The following MYH15 variants were observed in gnomAD, a reference collection of about 807,000 sequenced individuals.
MYH15 encodes myosin heavy chain 15, also known as myosin-15.
In MYH15, 227 loss-of-function variants were observed where a neutral mutation model predicts 240.5. That is an observed-to-expected ratio of 0.94 (90% CI 0.85 to 1.05). MYH15 has a LOEUF of 1.05. Among genes scored for constraint, MYH15 ranks in the 50% least tolerant of loss-of-function variants. MYH15 has a pLI of 0.00. For synonymous variants in MYH15, 785 were observed against 796.7 expected (o/e 0.99, Z 0.25); for missense variants, 2,217 against 2,247.5 (o/e 0.99, Z 0.27).
At chr3:108,521,221 A>G (rs960761335) in intron 1 of MYH15, among the ~76,000 whole-genome samples, 29 of 151,928 alleles carry the variant, frequency 1.9e-4, no homozygotes, top group Non-Finnish European at 7.4e-5. Context: ...TCTTTTACTG[A>G]GTGTCTAGGT....
At chr3:108,403,996 T>C (rs1420287895) in intron 33 of MYH15, among the ~76,000 whole-genome samples, 1 of 152,110 alleles carries the variant, frequency 6.6e-6, no homozygotes, top group East Asian at 1.9e-4. Context: ...GCTTTTTTTT[T>C]TTTTATCTGC....
Position 108,389,035 on chromosome 3 carries a change from G to T in MYH15, c.5470C>A (p.Arg1824Ser). The T allele has an allele frequency of 6.2e-7, 1 of 1,613,880 alleles. No individual in the cohort carries two copies. The highest frequency in any genetic ancestry group is 1.3e-5 in the African/African-American group (1 of 74,998). Residue 1824 changes from arginine (R) to serine (S), a missense_variant, in exon 38 of 41, where the codon CGC becomes AGC. Transcript: ENST00000693548. Reference sequence around the variant, plus strand: ...GCTCCCCTCTGGGCCTCTGCACTGCGACGGATTTCACCCTCCAGTTCACCT... The same window carrying T: ...GCTCCCCTCTGGGCCTCTGCACTGCTACGGATTTCACCCTCCAGTTCACCT... The part of the protein sequence containing the change: ...LEGELEGEIR[R>S]SAEAQRGARR...
intron 1 of MYH15, among the ~76,000 whole-genome samples, chr3:108,517,529 C>T (rs1263046036): frequency 6.6e-6 from 1 of 152,050 alleles, no homozygotes; most frequent in Non-Finnish European, 1.5e-5. Flanking sequence ...AATGGGGTTT[C>T]ACCATGTTGG....
Position 108,464,638 on chromosome 3 carries a change from C to T in MYH15, c.1731G>A (p.Val577=). ...AHFELVHYAG[V]VPYNISGWLE... ...GACCGGGGGTCCAGAGGTAACTCAC[C>T]ACTCCTGCATAATGGACAAGTTCAA... Residue 577 remains valine (V), a splice_region_variant and synonymous_variant, in exon 15 of 41, where the codon GTG becomes GTA. Coordinates refer to ENST00000693548, the MANE Select transcript of MYH15 (RefSeq NM_014981.3). 3 of 1,604,664 alleles carry T rather than the reference C, an allele frequency of 1.9e-6. No individual in the cohort carries two copies. The highest frequency in any genetic ancestry group is 2.6e-6 in the Non-Finnish European group (3 of 1,176,436).
chr3:108,463,416 T>G (rs1384736972), intron 15 of MYH15, among the ~76,000 whole-genome samples, 173 bp from the exon 16 acceptor site: 1 of 152,020 alleles, frequency 6.6e-6, no homozygotes, highest in African/African-American at 2.4e-5. Flanking sequence ...CTGGTCTCAA[T>G]CAATCCTTCC....
intron 38 of MYH15, among the ~76,000 whole-genome samples, chr3:108,387,920 G>A (rs1210182358): frequency 6.6e-6 from 1 of 152,220 alleles, no homozygotes; most frequent in African/African-American, 2.4e-5. Context: ...CCTTCCTGCT[G>A]CAAGGGAAGA....
intron 18 of MYH15, among the ~76,000 whole-genome samples, chr3:108,458,429 G>T (rs12632352): frequency 0.08 from 12,238 of 152,174 alleles, 1,263 homozygotes; most frequent in East Asian, 0.53. Flanking sequence ...CAGCATCATT[G>T]TTTTGTATCA....
At chr3:108,490,005 A>G (rs2083334631) in intron 9 of MYH15, among the ~76,000 whole-genome samples, 1 of 152,232 alleles carries the variant, frequency 6.6e-6, no homozygotes, top group Non-Finnish European at 1.5e-5. Context: ...AGATGCTTCT[A>G]TTAGTAAACA....
intron 21 of MYH15, among the ~76,000 whole-genome samples, chr3:108,448,251 G>GT (rs1274218236): frequency 1.3e-5 from 2 of 152,150 alleles, no homozygotes; most frequent in East Asian, 3.9e-4. Context: ...CAGTAAGTCT[G>GT]TATCTATTAA....
At chr3:108,459,237 A>C in intron 18 of MYH15, 125 bp downstream of exon 18, 1 of 624,546 alleles carries the variant, frequency 1.6e-6, no homozygotes, top group Non-Finnish European at 2.6e-6. Context: ...ACATATTTTC[A>C]TTTTTCTATA....
At chr3:108,464,049 A>G (rs1176076110) in intron 15 of MYH15, among the ~76,000 whole-genome samples, 2 of 152,166 alleles carry the variant, frequency 1.3e-5, no homozygotes, top group African/African-American at 2.4e-5. Context: ...AACTATAAAC[A>G]TATCTGTGTA....
At chr3:108,405,218 C>T (rs2082537577) in intron 33 of MYH15, 120 bp downstream of exon 33, 1 of 464,132 alleles carries the variant, frequency 2.2e-6, no homozygotes, top group East Asian at 3.2e-5. Flanking sequence ...TATAGAGTTA[C>T]ACTAAGTTTC....
rs1252275172 is a variant in MYH15, at chr3:108,414,306, A to G, written c.4071T>C (p.Asn1357=). 1 of 1,614,170 alleles carries G rather than the reference A, an allele frequency of 6.2e-7. No individual in the cohort carries two copies. Among genetic ancestry groups the G allele is most frequent in the Non-Finnish European group, 8.5e-7 (1 of 1,180,022 alleles). Residue 1357 remains asparagine (N), a synonymous_variant, in exon 30 of 41, where the codon AAT becomes AAC. Coordinates refer to ENST00000693548, the MANE Select transcript of MYH15 (RefSeq NM_014981.3). ...AELHRTLSKV[N]AEMVQWRMKY... is the part of the protein sequence containing the mutation. Reference sequence around the variant, plus strand: ...TCATTCTCCATTGCACCATTTCAGCATTGACTTTGGATAAGGTCCGGTGCA... The same window carrying G: ...TCATTCTCCATTGCACCATTTCAGCGTTGACTTTGGATAAGGTCCGGTGCA...
chr3:108,453,893 C>A, intron 21 of MYH15, 113 bp downstream of exon 21: 1 of 1,074,970 alleles, frequency 9.3e-7, no homozygotes. Context: ...GTTTAAGACC[C>A]AGCCTAAGCA....
chr3:108,549,648 T>C, the MYH15 span, among the ~76,000 whole-genome samples: 857 of 152,130 alleles, frequency 5.6e-3, 4 homozygotes, highest in Middle Eastern at 0.027. Context: ...AAAATTTAGT[T>C]TTTTCAGTTG....
chr3:108,383,334 T>C (rs1020424856), intron 40 of MYH15, among the ~76,000 whole-genome samples: 5 of 152,120 alleles, frequency 3.3e-5, no homozygotes, highest in Non-Finnish European at 5.9e-5. Context: ...CCCTAAATCT[T>C]AGATCCTGCA....
rs1028524735 is a variant in MYH15 at position 108,446,863 on chromosome 3, A to G, written c.2400-1968T>C. Among the ~76,000 whole-genome samples the G allele has an allele frequency of 5.3e-5, 8 of 152,210 alleles. No homozygotes were observed. In the East Asian group the frequency reaches 1.5e-3, roughly 29 times the overall value. On this transcript the variant is annotated intron_variant, in intron 21 of 40. Coordinates refer to ENST00000693548, the MANE Select transcript of MYH15 (RefSeq NM_014981.3). ...AGGAACACACAAAAGAATAAAAAGA[A>G]TAAAATAAATCCCTAAAAATCCAAC...
chr3:108,455,698 T>G, intron 20 of MYH15, 38 bp downstream of exon 20: 8 of 1,606,212 alleles, frequency 5.0e-6, no homozygotes, highest in Non-Finnish European at 6.8e-6. Context: ...CTTCCCCCCA[T>G]TCGTCTCCAA....
intron 2 of MYH15, among the ~76,000 whole-genome samples, chr3:108,505,110 C>A (rs774754481): frequency 1.2e-4 from 18 of 152,300 alleles, no homozygotes; most frequent in Non-Finnish European, 2.5e-4. Flanking sequence ...TCATTATTCA[C>A]CCCACAGGAT....
Sources: allele counts gnomAD v4.1 joint callset (sites outside exome capture counted in the v4.1 genomes callset), GRCh38; gene constraint gnomAD v4.1.1; transcripts MANE v1.5; gene names NCBI Gene and HGNC (gene_info 2026-07-23, HGNC 2026-07-21).